The following NLRP12 variants were observed in gnomAD, a reference collection of about 807,000 sequenced individuals.
NLRP12 encodes NLR family pyrin domain containing 12, also known as NACHT, LRR and PYD domains-containing protein 12.
NLRP12 carries 108 observed loss-of-function variants against 91.2 expected under a neutral mutation model. The observed-to-expected ratio is 1.18, with a 90% CI of 1.01 to 1.39. The LOEUF is 1.39. Among genes scored for constraint, NLRP12 ranks in the 40% most tolerant of loss-of-function variants. NLRP12 has a pLI of 0.00. For missense variants in NLRP12, 1,530 were observed against 1,352.7 expected (o/e 1.13, Z -2.06); for synonymous variants, 613 against 566.7 (o/e 1.08, Z -1.16).
In NLRP12 at chr19:53,805,323, A is replaced by G. The variant is rs1169304570; in HGVS notation, c.2371T>C (p.Cys791Arg). The G allele has an allele frequency of 3.7e-6, 6 of 1,614,006 alleles. No homozygotes were observed. The highest frequency in any genetic ancestry group is 2.7e-5 in the African/African-American group (2 of 74,922). The change falls in exon 5 of 10, where the codon TGC becomes CGC. Residue 791 changes from cysteine to arginine, a missense_variant. Transcript: ENST00000324134. ...GVGFPGMMLL[C>R]EGLRHPQCRL... is the part of the protein sequence containing the mutation. ...CACTGGGGATGCCGCAGGCCCTCGC[A>G]AAGCAGCATCATGCCTGGGAATCCA...
intron 7 of NLRP12, among the ~76,000 whole-genome samples, chr19:53,800,233 A>T (rs1015931009): frequency 2.6e-5 from 4 of 152,046 alleles, no homozygotes; most frequent in African/African-American, 9.7e-5. Context: ...TGAACCCGGG[A>T]GGTGGAGCTC....
intron 2 of NLRP12, among the ~76,000 whole-genome samples, chr19:53,814,294 C>G (rs902342353): frequency 1.3e-5 from 2 of 152,090 alleles, no homozygotes; most frequent in African/African-American, 2.4e-5. Flanking sequence ...CCAGTACTGA[C>G]CAGTGGGTTA....
chr19:53,809,517 C>T, intron 3 of NLRP12, 70 bp downstream of exon 3: 1 of 691,936 alleles, frequency 1.4e-6, no homozygotes, highest in Non-Finnish European at 2.2e-6. Context: ...GGCAACAGAG[C>T]AAAAAAAAAA....
chr19:53,807,688 ACT>A (rs1463874320), intron 3 of NLRP12, 23 bp from the exon 4 acceptor site: 9 of 1,613,190 alleles, frequency 5.6e-6, no homozygotes, highest in Non-Finnish European at 6.8e-6. Context: ...AAGACAGGCC[ACT>A]CTCTGGTGTT....
At position 53,810,505 on chromosome 19, in the gene NLRP12, C is replaced by T. The variant is rs766977450; in HGVS notation, c.1154G>A (p.Gly385Asp). The T allele has an allele frequency of 6.8e-6, 11 of 1,614,076 alleles. No homozygotes were observed. Among genetic ancestry groups the T allele is most frequent in the South Asian group, 1.1e-5 (1 of 91,076 alleles). ...GTCCCTCACGTAATTGAAGACTTGG[C>T]CCGCCTGCTCTGCATTGTGGAAATA... The part of the protein sequence containing the change: ...YKYFHNAEQA[G>D]QVFNYVRDNE... Residue 385 changes from glycine to aspartate, a missense_variant, in exon 3 of 10, where the codon GGC becomes GAC. Physicochemically the swap from Gly to Asp is moderately conservative, Grantham distance 94 (BLOSUM62 -1). Transcript: ENST00000324134.
At chr19:53,809,517 CAAAAAAAAA>C (rs3973672) in intron 3 of NLRP12, 61 bp downstream of exon 3, 190 of 694,932 alleles carry the variant, frequency 2.7e-4, no homozygotes, top group African/African-American at 6.0e-4. Flanking sequence ...GGCAACAGAG[CAAAAAAAAA>C]AAAAAAAAAA....
Position 53,805,437 on chromosome 19 carries a change from G to A in NLRP12, c.2257C>T (p.Arg753Cys), listed in dbSNP as rs781218927. The A allele has an allele frequency of 1.2e-5, 20 of 1,613,932 alleles. No homozygotes were observed. Among genetic ancestry groups the A allele is most frequent in the South Asian group, 3.3e-5 (3 of 91,072 alleles). ...TCCTCGCAGGCTGAGCTGGAGATGC[G>A]GCACCTCTTCAGCCTGGGGTGGAAA... Reference protein sequence around the residue: ...KLQNLRLKRCRISSSACEDLS... With the variant: ...KLQNLRLKRCCISSSACEDLS... The change falls in exon 5 of 10, where the codon CGC becomes TGC. Residue 753 changes from arginine (R) to cysteine (C), a missense_variant. Physicochemically the swap from Arg to Cys is radical, Grantham distance 180 (BLOSUM62 -3). Transcript: ENST00000324134.
At position 53,795,940 on chromosome 19, in the gene NLRP12, G is replaced by A. The variant is rs140154556; in HGVS notation, c.3017C>T (p.Thr1006Ile). Reference protein sequence around the residue: ...INQTLTDLYLTNNALGDTGVR... With the variant: ...INQTLTDLYLINNALGDTGVR... ...ACCTGTGTCCCCTAGGGCGTTGTTG[G>A]TCAGGTAAAGGTCGGTCAAGGTCTG... Residue 1006 changes from threonine (T) to isoleucine (I), a missense_variant, in exon 9 of 10, where the codon ACC becomes ATC. Coordinates refer to ENST00000324134, the MANE Select transcript of NLRP12 (RefSeq NM_144687.4). 6.2e-7 allele frequency: 1 copy of A among 1,614,144 alleles called. No individual in the cohort carries two copies. Among genetic ancestry groups the A allele is most frequent in the African/African-American group, 1.3e-5 (1 of 75,050 alleles).
downstream of NLRP12, chr19:53,793,724 AC>A (rs34860841): frequency 0.47 from 180,970 of 386,986 alleles, 43,546 homozygotes; most frequent in African/African-American, 0.53. Flanking sequence ...AGCTGGGACT[AC>A]AGGTGCCCGC....
Position 53,798,405 on chromosome 19 carries a change from A to C in NLRP12, c.2765T>G (p.Ile922Ser), listed in dbSNP as rs767041308. ...TCKLQTLRLG[I>S]CRLGSAACEG... ...ACAGGCGGCAGAGCCCAGCCGGCAG[A>C]TGCCCAACCTGCAAAGACAGGATGC... Residue 922 changes from isoleucine to serine, a missense_variant, in exon 8 of 10, where the codon ATC becomes AGC. Physicochemically the swap from Ile to Ser is moderately radical, Grantham distance 142. Transcript: ENST00000324134. 6.2e-7 allele frequency: 1 copy of C among 1,614,036 alleles called. No individual in the cohort carries two copies. Among genetic ancestry groups the C allele is most frequent in the Admixed American group, 1.7e-5 (1 of 59,978 alleles).
At chr19:53,807,424 C>A (rs1345672330) in intron 4 of NLRP12, 71 bp downstream of exon 4, 2 of 1,470,848 alleles carry the variant, frequency 1.4e-6, no homozygotes, top group Non-Finnish European at 1.9e-6. Flanking sequence ...CGTGATAGAA[C>A]CTTTGTGACT....
chr19:53,798,394 C>A lies in NLRP12; in HGVS notation c.2776G>T (p.Gly926Cys). ...GAAAGACCCTCACAGGCGGCAGAGCCCAGCCGGCAGATGCCCAACCTGCAA... is the reference window on the plus strand; with the variant it reads ...GAAAGACCCTCACAGGCGGCAGAGCACAGCCGGCAGATGCCCAACCTGCAA... ...QTLRLGICRLGSAACEGLSVV... is the reference protein window; with the variant it reads ...QTLRLGICRLCSAACEGLSVV... Residue 926 changes from glycine (G) to cysteine (C), a missense_variant, in exon 8 of 10, where the codon GGC becomes TGC. Coordinates refer to ENST00000324134, the MANE Select transcript of NLRP12 (RefSeq NM_144687.4). The A allele has an allele frequency of 1.2e-6, 2 of 1,614,098 alleles. No individual in the cohort carries two copies. Among genetic ancestry groups the A allele is most frequent in the Non-Finnish European group, 1.7e-6 (2 of 1,180,020 alleles).
At chr19:53,797,321 G>A (rs941672272) in intron 8 of NLRP12, among the ~76,000 whole-genome samples, 12 of 152,074 alleles carry the variant, frequency 7.9e-5, no homozygotes, top group South Asian at 4.2e-4. Context: ...TAATAGAGAT[G>A]GCCATGTTGG....
intron 4 of NLRP12, among the ~76,000 whole-genome samples, chr19:53,807,067 T>G (rs2091971428): frequency 6.6e-6 from 1 of 150,958 alleles, no homozygotes; most frequent in Non-Finnish European, 1.5e-5. Flanking sequence ...ACCCAGTCTT[T>G]GGCACTTTTT....
chr19:53,814,250 CTG>C (rs2122709333), intron 2 of NLRP12, among the ~76,000 whole-genome samples: 1 of 152,290 alleles, frequency 6.6e-6, no homozygotes, highest in Non-Finnish European at 1.5e-5. Context: ...TCGTTCCCCT[CTG>C]TCAGTGGTTG....
At position 53,809,626 on chromosome 19, in the gene NLRP12, G is replaced by T; in HGVS notation, c.2033C>A (p.Ala678Glu). Residue 678 changes from alanine (A) to glutamate (E), a missense_variant, in exon 3 of 10, where the codon GCG becomes GAG. Physicochemically the swap from Ala to Glu is moderately radical, Grantham distance 107. Coordinates refer to ENST00000324134, the MANE Select transcript of NLRP12 (RefSeq NM_144687.4). ...ATYSADGEDR[A>E]RCSAGAHTLL... Reference sequence around the variant, plus strand: ...CGTGTGCGCTCCTGCGGAGCACCTCGCGCGGTCTTCCCCGTCCGCGCTGTA... The same window carrying T: ...CGTGTGCGCTCCTGCGGAGCACCTCTCGCGGTCTTCCCCGTCCGCGCTGTA... 1 of 1,611,224 alleles carries T rather than the reference G, an allele frequency of 6.2e-7. No individual in the cohort carries two copies. The highest frequency in any genetic ancestry group is 8.5e-7 in the Non-Finnish European group (1 of 1,179,032).
chr19:53,821,434 C>T lies in NLRP12; in HGVS notation c.289+2452G>A, dbSNP rs578215642. Among the ~76,000 whole-genome samples the T allele has an allele frequency of 3.6e-4, 55 of 152,046 alleles. 1 individual carries two copies. In the South Asian group the frequency reaches 6.6e-3, roughly 18 times the overall value. On this transcript the variant is annotated intron_variant, in intron 1 of 9. Transcript: ENST00000324134. ...CTGTAATCACAGCACTTTGGGAGGC[C>T]GAGACGGCTGGATCATGAGGTCAGG...
chr19:53,810,225 C>T lies in NLRP12; in HGVS notation c.1434G>A (p.Glu478=). The part of the protein sequence containing the change: ...GLWNQKILFE[E]QDLRKHGLDG... ...CTAGGCCGTGCTTCCGGAGGTCCTG[C>T]TCCTCAAATAGGATTTTCTGATTCC... Residue 478 remains glutamate (E), a synonymous_variant, in exon 3 of 10, where the codon GAG becomes GAA. Coordinates refer to ENST00000324134, the MANE Select transcript of NLRP12 (RefSeq NM_144687.4). 1.2e-6 allele frequency: 2 copies of T among 1,614,202 alleles called. No individual in the cohort carries two copies. The highest frequency in any genetic ancestry group is 1.7e-6 in the Non-Finnish European group (2 of 1,180,040).
chr19:53,799,627 C>T lies in NLRP12; in HGVS notation c.2757-1214G>A, dbSNP rs116729735. The stretch of plus-strand genomic sequence containing the variant: ...GCCTCCTGAGTACCTGGATATCAGG[C>T]GTCCGCCACCATGCCTGGCTAATTT... On this transcript the variant is annotated intron_variant, in intron 7 of 9. Coordinates refer to ENST00000324134, the MANE Select transcript of NLRP12 (RefSeq NM_144687.4). Among the ~76,000 whole-genome samples, 1,030 of 151,928 alleles carry T rather than the reference C, an allele frequency of 6.8e-3. 15 individuals carry two copies. Among genetic ancestry groups the T allele is most frequent in the African/African-American group, 0.023 (960 of 41,466 alleles).
Sources: gnomAD v4.1 joint callset for allele counts (sites outside exome capture counted in the v4.1 genomes callset) on GRCh38, gnomAD v4.1.1 for gene constraint, MANE v1.5 for transcripts, NCBI Gene and HGNC (gene_info 2026-07-23, HGNC 2026-07-21) for gene names.